The following STIMATE variants were observed in gnomAD, a reference collection of about 807,000 sequenced individuals.
The protein encoded by STIMATE is store-operated calcium entry regulator STIMATE.
In STIMATE, 15 loss-of-function variants were observed where a neutral mutation model predicts 36.7. The ratio of observed to expected loss-of-function variants is 0.41; its 90% CI spans 0.27 to 0.63. The LOEUF is 0.63. Ranked by LOEUF, STIMATE falls within the 20% of genes least tolerant of loss-of-function variation. STIMATE has a pLI of 0.32. For synonymous variants in STIMATE, 163 were observed against 162.3 expected (o/e 1.00, Z -0.03); for missense variants, 305 against 397.3 (o/e 0.77, Z 1.98).
chr3:52,875,560 A>G (rs929481852), intron 1 of STIMATE, among the ~76,000 whole-genome samples: 1 of 152,190 alleles, frequency 6.6e-6, no homozygotes, highest in African/African-American at 2.4e-5. Flanking sequence ...AGTGGTCCCA[A>G]CTTGGCAGAG....
intron 1 of STIMATE, among the ~76,000 whole-genome samples, chr3:52,860,421 G>A (rs557556591): frequency 2.4e-4 from 36 of 152,188 alleles, no homozygotes; most frequent in Middle Eastern, 3.4e-3. Context: ...CGAGGGTCTC[G>A]GGAAGAGCCG....
intron 1 of STIMATE, among the ~76,000 whole-genome samples, chr3:52,876,202 C>T (rs1216615171): frequency 2.6e-5 from 4 of 152,180 alleles, no homozygotes; most frequent in South Asian, 4.1e-4. Flanking sequence ...GATGGCAAAA[C>T]TGATGCTCAG....
chr3:52,888,002 T>TG (rs1329699788), intron 1 of STIMATE, among the ~76,000 whole-genome samples: 7 of 136,170 alleles, frequency 5.1e-5, no homozygotes, highest in Non-Finnish European at 1.6e-5. Flanking sequence ...CAGTTTTTTT[T>TG]TTTTTTTTTT....
intron 4 of STIMATE, chr3:52,848,020 A>C (rs1418644549): frequency 1.3e-5 from 2 of 156,390 alleles, no homozygotes; most frequent in African/African-American, 4.8e-5. Context: ...AGCCCCATTG[A>C]CACTGGGACT....
intron 1 of STIMATE, among the ~76,000 whole-genome samples, chr3:52,869,689 C>T (rs922457077): frequency 6.6e-6 from 1 of 152,210 alleles, no homozygotes. Context: ...ACCCTTGGCA[C>T]CCAGGCCAGT....
intron 4 of STIMATE, among the ~76,000 whole-genome samples, chr3:52,845,891 C>G (rs549426631): frequency 1.4e-4 from 19 of 139,490 alleles, no homozygotes; most frequent in African/African-American, 4.9e-4. Context: ...AGCTGCCTTA[C>G]CACAGCTGGC....
At chr3:52,868,380 G>A (rs1701347360) in intron 1 of STIMATE, among the ~76,000 whole-genome samples, 2 of 152,244 alleles carry the variant, frequency 1.3e-5, no homozygotes, top group Admixed American at 6.5e-5. Flanking sequence ...ACTTTTTAAG[G>A]AGAAATGGAG....
intron 1 of STIMATE, among the ~76,000 whole-genome samples, chr3:52,868,926 C>T (rs934755989): frequency 1.3e-5 from 2 of 152,128 alleles, no homozygotes; most frequent in Non-Finnish European, 2.9e-5. Flanking sequence ...GGCCACACCT[C>T]AGGAACGTTA....
intron 1 of STIMATE, among the ~76,000 whole-genome samples, chr3:52,858,187 G>A (rs993361832): frequency 1.3e-4 from 20 of 152,300 alleles, no homozygotes; most frequent in African/African-American, 3.4e-4. Context: ...CTGAGCAAAC[G>A]AAAACATGTA....
intron 1 of STIMATE, among the ~76,000 whole-genome samples, chr3:52,895,092 A>G (rs1278769582): frequency 6.6e-6 from 1 of 152,228 alleles, no homozygotes; most frequent in Admixed American, 6.5e-5. Context: ...ATAGCCCAGG[A>G]CAAAGCCAAA....
At chr3:52,855,547 A>T in intron 1 of STIMATE, 103 bp from the exon 2 acceptor site, 5 of 1,478,794 alleles carry the variant, frequency 3.4e-6, no homozygotes, top group Non-Finnish European at 4.7e-6. Flanking sequence ...TGTATAACCA[A>T]GGTAATACAC....
intron 1 of STIMATE, among the ~76,000 whole-genome samples, chr3:52,891,919 T>C: frequency 6.6e-6 from 1 of 152,160 alleles, no homozygotes; most frequent in East Asian, 1.9e-4. Flanking sequence ...TTCTTTCTCA[T>C]CTCCATAGCC....
chr3:52,856,381 T>C (rs1701096111), intron 1 of STIMATE, among the ~76,000 whole-genome samples: 15 of 152,126 alleles, frequency 9.9e-5, no homozygotes, highest in Admixed American at 9.8e-4. Context: ...GGACTAAGTT[T>C]TAGAAAGGCA....
At chr3:52,878,026 G>A (rs1371728136) in intron 1 of STIMATE, among the ~76,000 whole-genome samples, 1 of 151,742 alleles carries the variant, frequency 6.6e-6, no homozygotes, top group Non-Finnish European at 1.5e-5. Context: ...CCCGGGAGGT[G>A]GAGCTTGCAG....
At chr3:52,895,938 A>T in intron 1 of STIMATE, 2 of 1,289,884 alleles carry the variant, frequency 1.6e-6, no homozygotes, top group Non-Finnish European at 2.0e-6. Flanking sequence ...ATTTTGGCTA[A>T]GTTGTCACAA....
At position 52,897,517 on chromosome 3, in the gene STIMATE, G is replaced by T. The variant is rs1048849612; in HGVS notation, c.-67C>A. The T allele has an allele frequency of 8.4e-7, 1 of 1,188,368 alleles. No individual in the cohort carries two copies. Among genetic ancestry groups the T allele is most frequent in the African/African-American group, 1.6e-5 (1 of 62,494 alleles). 73.6% of individuals were successfully genotyped at this position (1,188,368 alleles called of 1,614,324 possible). ...CGGCCTCGCTGCCTGCCGGCGCAGC[G>T]CCGCCAAACCCGCAGCCGGGATCCC... is the stretch of plus-strand genomic sequence containing the variant. On this transcript the variant is annotated 5_prime_UTR_variant, in exon 1 of 8. Transcript: ENST00000355083.
At chr3:52,861,872 T>C (rs1701220890) in intron 1 of STIMATE, among the ~76,000 whole-genome samples, 1 of 152,138 alleles carries the variant, frequency 6.6e-6, no homozygotes, top group African/African-American at 2.4e-5. Flanking sequence ...CCTGCTCACC[T>C]CCCTGCCATC....
Position 52,842,875 on chromosome 3 carries a change from T to A in STIMATE, c.704A>T (p.Asp235Val), listed in dbSNP as rs1325061825. The A allele has an allele frequency of 8.7e-6, 14 of 1,614,074 alleles. No individual in the cohort carries two copies. In the Admixed American group the frequency reaches 2.3e-4, roughly 27 times the overall value. Reference sequence around the variant, plus strand: ...GCGGACCTTGCTCCCATTCCTCGAGTCCTGGTTGGCTCCCCTTTCTTCTAG... The same window carrying A: ...GCGGACCTTGCTCCCATTCCTCGAGACCTGGTTGGCTCCCCTTTCTTCTAG... Reference protein sequence around the residue: ...AKLEERGANQDSRNGSKVRYR... With the variant: ...AKLEERGANQVSRNGSKVRYR... Residue 235 changes from aspartate (D) to valine (V), a missense_variant, in exon 7 of 8, where the codon GAC becomes GTC. By Grantham distance (152) the Asp-to-Val change is radical. Coordinates refer to ENST00000355083, the MANE Select transcript of STIMATE (RefSeq NM_198563.5).
At position 52,840,246 on chromosome 3, in the gene STIMATE, T is replaced by C. The variant is rs1700772048; in HGVS notation, c.*248A>G. 2.9e-6 allele frequency: 1 copy of C among 342,570 alleles called. No homozygotes were observed. Among genetic ancestry groups the C allele is most frequent in the Non-Finnish European group, 5.4e-6 (1 of 186,394 alleles). 21.2% of individuals were successfully genotyped at this position (342,570 alleles called of 1,614,324 possible). A position where few individuals can be genotyped will look rare whatever the true frequency, so the allele number is the denominator to read the frequency against. Reference sequence around the variant, plus strand: ...AAACAAACACAGCTCCTTCCTTGCATATTTGGTCAGTGTTTGTAGTGCAAC... The same window carrying C: ...AAACAAACACAGCTCCTTCCTTGCACATTTGGTCAGTGTTTGTAGTGCAAC... On this transcript the variant is annotated 3_prime_UTR_variant, in exon 8 of 8. Coordinates refer to ENST00000355083, the MANE Select transcript of STIMATE (RefSeq NM_198563.5).
Sources: gnomAD v4.1 joint callset for allele counts (sites outside exome capture counted in the v4.1 genomes callset) on GRCh38, gnomAD v4.1.1 for gene constraint, MANE v1.5 for transcripts, NCBI Gene and HGNC (gene_info 2026-07-23, HGNC 2026-07-21) for gene names.